EIF3I: variants seen among roughly 807,000 people sequenced by gnomAD.
EIF3I encodes eukaryotic translation initiation factor 3 subunit I.
In EIF3I, 20 loss-of-function variants were observed where a neutral mutation model predicts 43.3. That is an observed-to-expected ratio of 0.46 (90% CI 0.32 to 0.67). EIF3I has a LOEUF of 0.67. EIF3I is among the 30% of genes least tolerant of loss of function. The pLI is 0.03. For synonymous variants in EIF3I, 167 were observed against 151.7 expected (o/e 1.10, Z -0.74); for missense variants, 279 against 421.4 (o/e 0.66, Z 2.96).
At chr1:32,231,274 T>G in exon 12 of EIF3I, 1 of 1,358,188 alleles carries the variant, frequency 7.4e-7, no homozygotes, top group East Asian at 2.4e-5. Flanking sequence ...GCGGATCACC[T>G]GAGGTCAGGA....
chr1:32,231,491 C>CAAA, downstream of EIF3I: 4 of 183,584 alleles, frequency 2.2e-5, no homozygotes, highest in South Asian at 9.3e-5. Flanking sequence ...AACTCCGTCT[C>CAAA]AAAAAAAAAA....
At chr1:32,222,730 GC>G in intron 2 of EIF3I, 100 bp downstream of exon 2, 1 of 1,233,404 alleles carries the variant, frequency 8.1e-7, no homozygotes, top group Non-Finnish European at 1.2e-6. Flanking sequence ...CCAAAGAGCA[GC>G]CCATTGTGAG....
In EIF3I at chr1:32,230,921, C is replaced by T. The variant is rs1264763493; in HGVS notation, c.915-6C>T. 2 of 1,589,840 alleles carry T rather than the reference C, an allele frequency of 1.3e-6. No individual in the cohort carries two copies. The highest frequency in any genetic ancestry group is 1.4e-5 in the African/African-American group (1 of 73,172). On this transcript the variant is annotated splice_polypyrimidine_tract_variant and splice_region_variant and intron_variant, in intron 10 of 11. Transcript: ENST00000676679. Reference sequence around the variant, plus strand: ...AAGTGAATTAATTGTGTCCCTTTTCCTCCAGGTTCTTCCATTTGGCCTTTG... The same window carrying T: ...AAGTGAATTAATTGTGTCCCTTTTCTTCCAGGTTCTTCCATTTGGCCTTTG...
downstream of EIF3I, among the ~76,000 whole-genome samples, chr1:32,236,026 A>G (rs1422222257): frequency 2.6e-5 from 4 of 152,158 alleles, no homozygotes; most frequent in South Asian, 6.2e-4. Context: ...CTCCCATTTC[A>G]TACTCGACAC....
At chr1:32,229,137 G>A (rs1391444547) in exon 9 of EIF3I, 1 of 1,612,548 alleles carries the variant, frequency 6.2e-7, no homozygotes, top group East Asian at 2.2e-5. Context: ...CCATTCAGGT[G>A]GTCCTGGGCG....
At position 32,228,750 on chromosome 1, in the gene EIF3I, A is replaced by T. The variant is rs148366144; in HGVS notation, c.663A>T (p.Glu221Asp). 1.5e-4 allele frequency: 238 copies of T among 1,614,116 alleles called. No individual in the cohort carries two copies. The African/African-American group carries it at 2.8e-3, about 19-fold the overall frequency. The stretch of plus-strand genomic sequence containing the variant: ...AGCTTTTTGACTCCACAACTCTTGA[A>T]CATCAGAAGACTTTCCGGACAGAAC... The change falls in exon 8 of 12, where the codon GAA (glutamate) becomes GAT (aspartate). Residue 221 changes from glutamate (E) to aspartate (D), a missense_variant. By Grantham distance (45) the Glu-to-Asp change is conservative. Transcript: ENST00000676679.
chr1:32,233,155 G>A (rs1372360614), downstream of EIF3I, among the ~76,000 whole-genome samples: 2 of 152,038 alleles, frequency 1.3e-5, no homozygotes, highest in East Asian at 1.9e-4. Flanking sequence ...CAACACGCCC[G>A]GCTAATTATA....
At chr1:32,235,846 T>C (rs563836635), downstream of EIF3I, among the ~76,000 whole-genome samples, 1 of 152,358 alleles carries the variant, frequency 6.6e-6, no homozygotes, top group African/African-American at 2.4e-5. Flanking sequence ...AACACAGTTC[T>C]CTTGGAATTC....
chr1:32,230,652 A>G (rs1288228353), intron 10 of EIF3I, among the ~76,000 whole-genome samples: 1 of 152,126 alleles, frequency 6.6e-6, no homozygotes, highest in East Asian at 1.9e-4. Context: ...CCTGGCCAAC[A>G]TGGTGAAACC....
At chr1:32,233,476 A>T (rs1360309112), downstream of EIF3I, among the ~76,000 whole-genome samples, 2 of 151,160 alleles carry the variant, frequency 1.3e-5, no homozygotes. Context: ...TTTTTAGTAG[A>T]GATGGGGTTT....
downstream of EIF3I, among the ~76,000 whole-genome samples, chr1:32,232,413 C>G (rs567457654): frequency 6.6e-6 from 1 of 152,208 alleles, no homozygotes; most frequent in South Asian, 2.1e-4. Context: ...AGGGAGAAAC[C>G]AATTTAGTTT....
chr1:32,231,143 G>T, exon 12 of EIF3I: 1 of 1,614,066 alleles, frequency 6.2e-7, no homozygotes, highest in African/African-American at 1.3e-5. Flanking sequence ...AGATGGTTAC[G>T]TCCGTATCCA....
rs1177579665 is a variant in EIF3I, at chr1:32,224,407, C to CA, written c.185-2dup. 1.2e-6 allele frequency: 2 copies of CA among 1,613,140 alleles called. No homozygotes were observed. Among genetic ancestry groups the CA allele is most frequent in the Admixed American group, 3.3e-5 (2 of 59,956 alleles). ...TTCGTCATATTTCTTAACAACTCTT[C>CA]AGGGGACACCAAGCATGTCCTCACT... is the stretch of plus-strand genomic sequence containing the variant. On this transcript the variant is annotated splice_polypyrimidine_tract_variant and splice_region_variant and intron_variant, in intron 3 of 11. Coordinates refer to ENST00000676679, the Ensembl canonical transcript of EIF3I.
intron 3 of EIF3I, 96 bp downstream of exon 3, chr1:32,224,217 C>G: frequency 7.8e-7 from 1 of 1,277,906 alleles, no homozygotes; most frequent in Non-Finnish European, 1.1e-6. Context: ...TGTTGAGGGC[C>G]TAGAGAACGA....
chr1:32,226,551 TG>T, intron 6 of EIF3I, 21 bp downstream of exon 6: 1 of 1,459,980 alleles, frequency 6.8e-7, no homozygotes, highest in Non-Finnish European at 9.0e-7. Flanking sequence ...ACATGGGGCC[TG>T]AGCCTACCAG....
At chr1:32,226,206 G>C (rs1422638149) in exon 5 of EIF3I, 1 of 1,614,104 alleles carries the variant, frequency 6.2e-7, no homozygotes, top group Non-Finnish European at 8.5e-7. Flanking sequence ...CAATTCGGCT[G>C]TCCGGACCTG....
exon 12 of EIF3I, chr1:32,231,247 CT>C (rs749108622): frequency 6.6e-4 from 988 of 1,494,432 alleles, no homozygotes; most frequent in Middle Eastern, 1.3e-3. Flanking sequence ...AATCCCACCA[CT>C]TTTTTTTTAA....
Position 32,228,368 on chromosome 1 carries a change from G to T in EIF3I, c.529-131G>T, listed in dbSNP as rs145183258. ...AGTCAAGGGATATTTAGGGGTGACT[G>T]ATAGGATAGAGGGGGTGAGGAAAAC... On this transcript the variant is annotated intron_variant, in intron 6 of 11. Coordinates refer to ENST00000676679, the Ensembl canonical transcript of EIF3I. 7.6e-4 allele frequency: 530 copies of T among 695,686 alleles called. 1 individual carries two copies. In the African/African-American group the frequency reaches 8.6e-3, roughly 11 times the overall value. 43.1% of individuals were successfully genotyped at this position (695,686 alleles called of 1,614,324 possible). A position where few individuals can be genotyped will look rare whatever the true frequency, so the allele number is the denominator to read the frequency against.
At chr1:32,231,307 A>G (rs1639232399) in exon 12 of EIF3I, 2 of 968,044 alleles carry the variant, frequency 2.1e-6, no homozygotes, top group East Asian at 2.6e-5. Context: ...CCTGACCAAC[A>G]TGGAGAAACC....
Sources: allele counts gnomAD v4.1 joint callset (sites outside exome capture counted in the v4.1 genomes callset), GRCh38; gene constraint gnomAD v4.1.1; transcripts MANE v1.5; gene names NCBI Gene and HGNC (gene_info 2026-07-23, HGNC 2026-07-21).